The following NRXN1 variants were observed in gnomAD, a reference collection of about 807,000 sequenced individuals.
NRXN1 encodes the protein neurexin-1.
Under a neutral mutation model 150.9 loss-of-function variants are expected in NRXN1, and 39 were observed. The ratio of observed to expected loss-of-function variants is 0.26; its 90% CI spans 0.20 to 0.34. The LOEUF (loss-of-function observed/expected upper bound fraction) is 0.34. Among genes scored for constraint, NRXN1 ranks in the 10% least tolerant of loss-of-function variants. The pLI is 1.00. For missense variants in NRXN1, 1,815 were observed against 1,949.9 expected (o/e 0.93, Z 1.30); for synonymous variants, 924 against 757.0 (o/e 1.22, Z -3.62).
At chr2:50,990,170 T>G (rs970208759) in intron 2 of NRXN1, among the ~76,000 whole-genome samples, 1 of 152,006 alleles carries the variant, frequency 6.6e-6, no homozygotes, top group Admixed American at 6.6e-5. Context: ...AACTTATCAT[T>G]GAATTGTAAG....
chr2:50,254,195 T>C (rs1412160467), intron 17 of NRXN1, among the ~76,000 whole-genome samples: 1 of 152,004 alleles, frequency 6.6e-6, no homozygotes, highest in African/African-American at 2.4e-5. Context: ...TTCTAGTTTG[T>C]TTGCATAGAG....
rs143912887 is a variant in NRXN1, at chr2:50,935,649, T to A, written c.773-9694A>T. 2.5e-3 allele frequency among the ~76,000 whole-genome samples: 381 copies of A among 151,926 alleles called. 1 individual carries two copies. The highest frequency in any genetic ancestry group is 8.8e-3 in the African/African-American group (366 of 41,468). On this transcript the variant is annotated intron_variant, in intron 2 of 22. Transcript: ENST00000401669. ...GGCTGAGGCCGGATAATCACTTGAA[T>A]CTGGGAGGCGGAGGTTGCAGTGAGC... is the stretch of plus-strand genomic sequence containing the variant.
At chr2:50,669,998 A>C in intron 5 of NRXN1, among the ~76,000 whole-genome samples, 1 of 151,820 alleles carries the variant, frequency 6.6e-6, no homozygotes, top group East Asian at 1.9e-4. Context: ...ATTCCAACAC[A>C]TAATTTTTGT....
At chr2:50,114,063 A>T (rs1702717767) in intron 18 of NRXN1, among the ~76,000 whole-genome samples, 1 of 152,172 alleles carries the variant, frequency 6.6e-6, no homozygotes, top group South Asian at 2.1e-4. Context: ...ATGTAAAAAA[A>T]TATATACCAC....
At chr2:50,422,067 T>C (rs2084041893) in intron 17 of NRXN1, among the ~76,000 whole-genome samples, 1 of 152,158 alleles carries the variant, frequency 6.6e-6, no homozygotes, top group Non-Finnish European at 1.5e-5. Flanking sequence ...GGAGCTTATT[T>C]GTGCTAGGAT....
chr2:50,481,745 T>A (rs189790454), intron 15 of NRXN1, among the ~76,000 whole-genome samples: 2 of 148,144 alleles, frequency 1.4e-5, no homozygotes, highest in East Asian at 4.0e-4. Flanking sequence ...CTTTCAATAT[T>A]CTGAACTTTT....
intron 5 of NRXN1, among the ~76,000 whole-genome samples, chr2:50,884,021 C>A (rs967370062): frequency 1.3e-5 from 2 of 151,710 alleles, no homozygotes; most frequent in African/African-American, 2.4e-5. Flanking sequence ...TGTGAAAATT[C>A]ATTTATCTGT....
chr2:50,202,323 G>A (rs934487240), intron 18 of NRXN1, among the ~76,000 whole-genome samples: 1 of 152,218 alleles, frequency 6.6e-6, no homozygotes, highest in African/African-American at 2.4e-5. Flanking sequence ...TGGCTAACAC[G>A]GTGAAACCCC....
At chr2:50,447,141 A>G (rs1002661637) in intron 17 of NRXN1, among the ~76,000 whole-genome samples, 2 of 152,112 alleles carry the variant, frequency 1.3e-5, no homozygotes, top group Non-Finnish European at 2.9e-5. Flanking sequence ...CAAACTAAAT[A>G]TAAATTTTGA....
chr2:50,320,118 T>C (rs2075903392), intron 17 of NRXN1, among the ~76,000 whole-genome samples: 1 of 147,268 alleles, frequency 6.8e-6, no homozygotes, highest in Admixed American at 7.0e-5. Context: ...TAACAATGAC[T>C]GAGAAGCAAA....
intron 5 of NRXN1, among the ~76,000 whole-genome samples, chr2:50,724,054 TC>T (rs1252026992): frequency 1.3e-5 from 2 of 152,308 alleles, no homozygotes; most frequent in Admixed American, 1.3e-4. Context: ...AAATACAAGA[TC>T]CATTGTGATG....
intron 17 of NRXN1, among the ~76,000 whole-genome samples, chr2:50,341,979 C>A (rs1543973): frequency 0.1 from 15,455 of 152,150 alleles, 1,109 homozygotes; most frequent in East Asian, 0.35. Flanking sequence ...TTAACTCTTT[C>A]CAACAATAGC....
chr2:50,590,821 A>G (rs1436161473), intron 8 of NRXN1, among the ~76,000 whole-genome samples: 7 of 152,056 alleles, frequency 4.6e-5, no homozygotes, highest in African/African-American at 1.7e-4. Flanking sequence ...TGAGAAACCA[A>G]TATTTGTTGT....
At chr2:50,450,469 T>C (rs1005542803) in intron 17 of NRXN1, among the ~76,000 whole-genome samples, 39 of 151,788 alleles carry the variant, frequency 2.6e-4, no homozygotes, top group Non-Finnish European at 1.5e-5. Context: ...CTATCCTGGG[T>C]CTTGGAAATA....
intron 21 of NRXN1, among the ~76,000 whole-genome samples, chr2:50,009,918 T>G (rs2152543811): frequency 6.6e-6 from 1 of 152,238 alleles, no homozygotes; most frequent in African/African-American, 2.4e-5. Flanking sequence ...CTGTTCTTTC[T>G]AAGATAGTAG....
chr2:49,994,790 C>G (rs1273067106), intron 21 of NRXN1, among the ~76,000 whole-genome samples: 1 of 152,172 alleles, frequency 6.6e-6, no homozygotes, highest in Non-Finnish European at 1.5e-5. Flanking sequence ...AGAAAGTATT[C>G]TGCTTTTTGT....
At chr2:50,780,137 C>A (rs1240232832) in intron 5 of NRXN1, among the ~76,000 whole-genome samples, 2 of 152,066 alleles carry the variant, frequency 1.3e-5, no homozygotes, top group Non-Finnish European at 2.9e-5. Context: ...AGCTTTTTTT[C>A]ATATGTTTGT....
At chr2:50,943,159 T>C (rs889574312) in intron 2 of NRXN1, among the ~76,000 whole-genome samples, 6 of 152,120 alleles carry the variant, frequency 3.9e-5, no homozygotes, top group Admixed American at 3.9e-4. Flanking sequence ...CCTTCTGCCA[T>C]GATTGAAAGT....
intron 5 of NRXN1, among the ~76,000 whole-genome samples, chr2:50,749,117 T>C (rs1700311033): frequency 1.3e-5 from 2 of 152,062 alleles, no homozygotes; most frequent in South Asian, 2.1e-4. Context: ...ATAAGTCTGT[T>C]TTATAGAAAA....
Sources: allele counts gnomAD v4.1 joint callset (sites outside exome capture counted in the v4.1 genomes callset), GRCh38; gene constraint gnomAD v4.1.1; transcripts MANE v1.5; gene names NCBI Gene and HGNC (gene_info 2026-07-23, HGNC 2026-07-21).